Variants in SH3BGRL2 observed in about 807,000 individuals in gnomAD.
SH3BGRL2 encodes the protein SH3 domain-binding glutamic acid-rich-like protein 2.
SH3BGRL2 carries 21 observed loss-of-function variants against 14.8 expected under a neutral mutation model. The ratio of observed to expected loss-of-function variants is 1.42; its 90% confidence interval spans 1.01 to 2.05. SH3BGRL2 has a LOEUF of 2.05. Ranked by LOEUF, SH3BGRL2 falls within the 30% of genes most tolerant of loss-of-function variation. The pLI is 0.00. For missense variants in SH3BGRL2, 147 were observed against 130.8 expected, an observed-to-expected ratio of 1.12 and a Z score of -0.61; for synonymous variants, 50 against 47.8, an observed-to-expected ratio of 1.05 and a Z score of -0.19.
At chr6:79,686,969 G>A (rs1770110228) in intron 2 of SH3BGRL2, among the ~76,000 whole-genome samples, 1 of 152,166 alleles carries the variant, frequency 6.6e-6, no homozygotes, top group African/African-American at 2.4e-5. Flanking sequence ...TGTGTCTGAT[G>A]TGGGGTCAGG....
chr6:79,605,995 A>C, the SH3BGRL2 span, among the ~76,000 whole-genome samples: 1 of 152,206 alleles, frequency 6.6e-6, no homozygotes, highest in South Asian at 2.1e-4. Flanking sequence ...GAGGTTTCTA[A>C]TTTAAAATAA....
At chr6:79,611,130 C>T in the SH3BGRL2 span, among the ~76,000 whole-genome samples, 1 of 152,104 alleles carries the variant, frequency 6.6e-6, no homozygotes, top group East Asian at 1.9e-4. Flanking sequence ...GTCTAATCTT[C>T]CTTTGTGGGA....
chr6:79,648,264 A>ATATATATATATG (rs1769184104), intron 1 of SH3BGRL2, among the ~76,000 whole-genome samples: 1 of 122,156 alleles, frequency 8.2e-6, no homozygotes, highest in South Asian at 2.9e-4. Flanking sequence ...GCATATATAT[A>ATATATATATATG]TATATATATA....
chr6:79,575,815 T>C, the SH3BGRL2 span, among the ~76,000 whole-genome samples: 1 of 152,104 alleles, frequency 6.6e-6, no homozygotes, highest in Non-Finnish European at 1.5e-5. Context: ...TCAAATTGAG[T>C]CTTTAACTGG....
At chr6:79,638,288 T>C (rs1768965664) in intron 1 of SH3BGRL2, among the ~76,000 whole-genome samples, 1 of 152,232 alleles carries the variant, frequency 6.6e-6, no homozygotes, top group Non-Finnish European at 1.5e-5. Context: ...AGTACAGGAT[T>C]TTATTCTTTT....
chr6:79,575,189 T>TA, the SH3BGRL2 span: 3 of 152,198 alleles, frequency 2.0e-5, no homozygotes, highest in Admixed American at 6.5e-5. Context: ...GTTCTTTTTT[T>TA]AAAAAACTAT....
chr6:79,603,732 A>G, the SH3BGRL2 span, among the ~76,000 whole-genome samples: 11 of 152,316 alleles, frequency 7.2e-5, no homozygotes, highest in Admixed American at 3.9e-4. Context: ...TAGATAAGCA[A>G]CTTTCAACTA....
the SH3BGRL2 span, among the ~76,000 whole-genome samples, chr6:79,543,777 C>A: frequency 3.9e-5 from 6 of 152,166 alleles, no homozygotes; most frequent in Non-Finnish European, 7.3e-5. Flanking sequence ...GTGTTTGATT[C>A]ACATTTTTAG....
At chr6:79,585,094 A>C in the SH3BGRL2 span, among the ~76,000 whole-genome samples, 1 of 152,044 alleles carries the variant, frequency 6.6e-6, no homozygotes, top group Non-Finnish European at 1.5e-5. Flanking sequence ...TTAAATAAAA[A>C]CACATTATAT....
At chr6:79,621,161 C>T in the SH3BGRL2 span, among the ~76,000 whole-genome samples, 1 of 152,002 alleles carries the variant, frequency 6.6e-6, no homozygotes, top group East Asian at 1.9e-4. Flanking sequence ...AATTCTCATC[C>T]CAAGCCTAGG....
the SH3BGRL2 span, among the ~76,000 whole-genome samples, chr6:79,596,397 C>T: frequency 6.6e-6 from 1 of 152,066 alleles, no homozygotes; most frequent in Non-Finnish European, 1.5e-5. Context: ...TGGGCTCAAA[C>T]GATCATCCCA....
intron 1 of SH3BGRL2, among the ~76,000 whole-genome samples, chr6:79,656,008 A>G (rs1048381656): frequency 2.6e-5 from 4 of 152,198 alleles, no homozygotes; most frequent in Non-Finnish European, 5.9e-5. Context: ...CCGGGTATGG[A>G]CTTTTTTCTT....
chr6:79,631,055 G>A (rs906451704), upstream of SH3BGRL2, among the ~76,000 whole-genome samples: 5 of 152,172 alleles, frequency 3.3e-5, no homozygotes, highest in Admixed American at 3.3e-4. Flanking sequence ...GAGCCCTTTT[G>A]CCTAGTTTGC....
At chr6:79,573,659 T>G in the SH3BGRL2 span, among the ~76,000 whole-genome samples, 1 of 152,234 alleles carries the variant, frequency 6.6e-6, no homozygotes, top group African/African-American at 2.4e-5. Flanking sequence ...AAAGTATCAA[T>G]AAAGGCTTAT....
intron 2 of SH3BGRL2, among the ~76,000 whole-genome samples, chr6:79,693,725 A>C (rs1279846563): frequency 1.3e-5 from 2 of 152,188 alleles, no homozygotes; most frequent in African/African-American, 4.8e-5. Flanking sequence ...ATCATAGTGG[A>C]TAAGCTTTTT....
chr6:79,559,533 T>A, the SH3BGRL2 span, among the ~76,000 whole-genome samples: 1 of 152,158 alleles, frequency 6.6e-6, no homozygotes, highest in Non-Finnish European at 1.5e-5. Context: ...GAAATGTTCC[T>A]CCAAGAATAG....
At chr6:79,580,997 AATACT>A in the SH3BGRL2 span, among the ~76,000 whole-genome samples, 1 of 152,204 alleles carries the variant, frequency 6.6e-6, no homozygotes, top group African/African-American at 2.4e-5. Flanking sequence ...ACCATCAGAG[AATACT>A]ATAAACACCT....
the SH3BGRL2 span, among the ~76,000 whole-genome samples, chr6:79,560,893 T>A: frequency 7.0e-6 from 1 of 142,036 alleles, no homozygotes. Flanking sequence ...TTTTTTTTTT[T>A]TTTTGAGACA....
chr6:79,573,344 T>C, the SH3BGRL2 span, among the ~76,000 whole-genome samples: 1 of 152,208 alleles, frequency 6.6e-6, no homozygotes, highest in South Asian at 2.1e-4. Flanking sequence ...TTCCTTCCAC[T>C]GTTCTCTTTT....
Sources: gnomAD v4.1 joint callset for allele counts (sites outside exome capture counted in the v4.1 genomes callset) on GRCh38, gnomAD v4.1.1 for gene constraint, MANE v1.5 for transcripts, NCBI Gene and HGNC (gene_info 2026-07-23, HGNC 2026-07-21) for gene names.